Variants in INO80E observed in about 807,000 individuals in gnomAD.
The protein encoded by INO80E is coiled-coil domain containing 95.
In INO80E, 20 loss-of-function variants were observed where a neutral mutation model predicts 27.3. That is an observed-to-expected ratio of 0.73 (90% confidence interval 0.51 to 1.06). INO80E has a LOEUF of 1.06. Among genes scored for constraint, INO80E ranks in the 50% least tolerant of loss-of-function variants. The pLI is 0.00. For missense variants in INO80E, 357 were observed against 322.8 expected (o/e 1.11, Z -0.81); for synonymous variants, 167 against 145.9 (o/e 1.14, Z -1.04).
chr16:30,001,336 CCTT>C (rs1196073713), intron 5 of INO80E, 75 bp from the exon 6 acceptor site: 5 of 1,515,810 alleles, frequency 3.3e-6, no homozygotes, highest in East Asian at 2.5e-5. Context: ...TTTCCATCCT[CCTT>C]CTGTTTGCAT....
At chr16:30,004,925 C>T (rs535437559) in intron 6 of INO80E, among the ~76,000 whole-genome samples, 2 of 152,286 alleles carry the variant, frequency 1.3e-5, no homozygotes, top group South Asian at 4.1e-4. Context: ...TAACCCCTGT[C>T]TCAGGGCAGC....
chr16:30,001,112 CG>C, intron 5 of INO80E, 72 bp downstream of exon 5: 1 of 1,478,458 alleles, frequency 6.8e-7, no homozygotes, highest in Non-Finnish European at 9.1e-7. Context: ...GGCTGGGCCT[CG>C]GGGCAAGGCC....
intron 3 of INO80E, among the ~76,000 whole-genome samples, chr16:29,998,222 T>C (rs1232067935): frequency 2.0e-5 from 3 of 147,212 alleles, no homozygotes; most frequent in Non-Finnish European, 4.5e-5. Flanking sequence ...ACCTGGGAGG[T>C]GGAGCTTGCA....
chr16:30,000,456 A>G (rs2070305219), intron 3 of INO80E, among the ~76,000 whole-genome samples: 1 of 152,114 alleles, frequency 6.6e-6, no homozygotes, highest in Admixed American at 6.5e-5. Flanking sequence ...CTGCAGTCTC[A>G]ATCTCCGAGT....
At chr16:30,002,991 C>T (rs890019942) in intron 6 of INO80E, 2 of 151,668 alleles carry the variant, frequency 1.3e-5, no homozygotes, top group Non-Finnish European at 2.9e-5. Flanking sequence ...TGAGGCTTCA[C>T]CTCTTGAGCC....
At chr16:30,004,865 T>TCCGGGG (rs2070495211) in intron 6 of INO80E, among the ~76,000 whole-genome samples, 2 of 152,054 alleles carry the variant, frequency 1.3e-5, no homozygotes, top group African/African-American at 4.8e-5. Flanking sequence ...AGGTGGCACC[T>TCCGGGG]CCGGGGCCGG....
At position 30,005,766 on chromosome 16, in the gene INO80E, T is replaced by G; in HGVS notation, c.*324T>G. ...CAGGGCTAGGTTTTTTCAATGAAGT[T>G]TCTGTATTAAAGGAGTGGCTCTGGG... On this transcript the variant is annotated 3_prime_UTR_variant, in exon 7 of 7. Coordinates refer to ENST00000563197, the MANE Select transcript of INO80E (RefSeq NM_173618.3). 2.1e-6 allele frequency: 1 copy of G among 467,694 alleles called. No individual in the cohort carries two copies. The allele number at this position is 467,694 out of a possible 1,614,324, so 29.0% of individuals were successfully genotyped here.
Position 30,000,941 on chromosome 16 carries a change from T to G in INO80E, c.297T>G (p.Pro99=). The G allele has an allele frequency of 6.3e-7, 1 of 1,592,206 alleles. No homozygotes were observed. The highest frequency in any genetic ancestry group is 8.6e-7 in the Non-Finnish European group (1 of 1,165,634). Residue 99 remains proline, a synonymous_variant, in exon 5 of 7, where the codon CCT becomes CCG. Coordinates refer to ENST00000563197, the MANE Select transcript of INO80E (RefSeq NM_173618.3). ...DTPAPKRKRS[P]PLGGAPSPSS... ...GTCCTTTCTCCAGGAAGAGAAGCCCTCCGCTGGGGGGCGCCCCCTCTCCCT... is the reference window on the plus strand; with the variant it reads ...GTCCTTTCTCCAGGAAGAGAAGCCCGCCGCTGGGGGGCGCCCCCTCTCCCT...
rs143194284 is a variant in INO80E at position 29,999,861 on chromosome 16, C to T, written c.206-897C>T. Reference sequence around the variant, plus strand: ...GGTTGGGGGTGGACAGTGGGTGGCACGGTGAGGTGAGACTGCTTAGCAGGT... The same window carrying T: ...GGTTGGGGGTGGACAGTGGGTGGCATGGTGAGGTGAGACTGCTTAGCAGGT... On this transcript the variant is annotated intron_variant, in intron 3 of 6. Transcript: ENST00000563197. Among the ~76,000 whole-genome samples the T allele has an allele frequency of 6.6e-3, 1,003 of 152,106 alleles. 6 individuals carry two copies. The highest frequency in any genetic ancestry group is 0.01 in the Non-Finnish European group (693 of 67,990).
chr16:30,001,650 C>A, intron 6 of INO80E, 120 bp downstream of exon 6: 1 of 884,744 alleles, frequency 1.1e-6, no homozygotes, highest in Non-Finnish European at 1.7e-6. Context: ...ACCCAGTCAG[C>A]ACTTAGCACT....
Position 29,996,316 on chromosome 16 carries a change from C to G in INO80E, c.6C>G (p.Asn2Lys), listed in dbSNP as rs759968730. M[N>K]GPADGEVDYK... ...GCGCCACTCCCGGGCCGGTCATGAACGGGCCGGCGGACGGCGAAGTGGACT... is the reference window on the plus strand; with the variant it reads ...GCGCCACTCCCGGGCCGGTCATGAAGGGGCCGGCGGACGGCGAAGTGGACT... The change falls in exon 1 of 7, where the codon AAC (asparagine) becomes AAG (lysine). Residue 2 changes from asparagine (N) to lysine (K), a missense_variant. Asn to Lys is a moderately conservative substitution (Grantham distance 94). Coordinates refer to ENST00000563197, the MANE Select transcript of INO80E (RefSeq NM_173618.3). 9 of 1,593,974 alleles carry G rather than the reference C, an allele frequency of 5.6e-6. No homozygotes were observed. In the East Asian group the frequency reaches 1.8e-4, roughly 32 times the overall value.
chr16:29,998,677 A>G (rs1007360779), intron 3 of INO80E, among the ~76,000 whole-genome samples: 3 of 152,132 alleles, frequency 2.0e-5, no homozygotes, highest in Admixed American at 6.5e-5. Context: ...TAAGGTAGGC[A>G]TTTGTGGGCC....
chr16:29,997,530 C>T (rs1306338439), intron 3 of INO80E, among the ~76,000 whole-genome samples: 3 of 151,674 alleles, frequency 2.0e-5, no homozygotes, highest in Non-Finnish European at 4.4e-5. Flanking sequence ...CCGAGGTGGG[C>T]GGATCACAAG....
At chr16:30,001,307 C>T (rs761858424) in intron 5 of INO80E, 107 bp from the exon 6 acceptor site, 11 of 1,503,500 alleles carry the variant, frequency 7.3e-6, no homozygotes, top group South Asian at 1.3e-5. Context: ...GAGCCGCACT[C>T]ATCACCATCT....
intron 3 of INO80E, among the ~76,000 whole-genome samples, chr16:29,997,430 G>GT (rs369720609): frequency 0.12 from 17,825 of 145,954 alleles, 1,625 homozygotes; most frequent in African/African-American, 0.26. Flanking sequence ...TTTTTCTTTA[G>GT]TTTTTTTTTT....
At chr16:29,999,711 A>T (rs1419418239) in intron 3 of INO80E, 1 of 152,264 alleles carries the variant, frequency 6.6e-6, no homozygotes, top group Non-Finnish European at 1.5e-5. Flanking sequence ...GCTTTAAAGA[A>T]TACAGTTACG....
chr16:30,001,279 TGTGCTC>T, intron 5 of INO80E, 129 bp from the exon 6 acceptor site: 1 of 1,491,650 alleles, frequency 6.7e-7, no homozygotes, highest in Admixed American at 2.2e-5. Context: ...CCGGCCCTTC[TGTGCTC>T]GGGAGCCCCG....
chr16:30,003,937 A>G lies in INO80E; in HGVS notation c.514-1284A>G, dbSNP rs899936156. 6.6e-6 allele frequency: 1 copy of G among 152,270 alleles called. No individual in the cohort carries two copies. Among genetic ancestry groups the G allele is most frequent in the Non-Finnish European group, 1.5e-5 (1 of 68,188 alleles). The allele number at this position is 152,270 out of a possible 1,614,324, so 9.4% of individuals were successfully genotyped here. A position where few individuals can be genotyped will look rare whatever the true frequency, so the allele number is the denominator to read the frequency against. On this transcript the variant is annotated intron_variant, in intron 6 of 6. Transcript: ENST00000563197. The surrounding 1 kb of genome is among the most constrained non-coding windows in gnomAD (Gnocchi z 4.4). ...GCTGTTCAGAGTTGGACCCCCCATC[A>G]TCCATCCTGCCAGCCTCCTATACCC... is the stretch of plus-strand genomic sequence containing the variant.
rs776391289 is a variant in INO80E, at chr16:29,996,872, C to A, written c.205+12C>A. Reference sequence around the variant, plus strand: ...TGAAGACTCTTCGGGTGAGCAAGGTCTTCAAAAATTGGTGGAGAGCATGGT... The same window carrying A: ...TGAAGACTCTTCGGGTGAGCAAGGTATTCAAAAATTGGTGGAGAGCATGGT... On this transcript the variant is annotated intron_variant, in intron 3 of 6. Coordinates refer to ENST00000563197, the MANE Select transcript of INO80E (RefSeq NM_173618.3). 1 of 1,613,842 alleles carries A rather than the reference C, an allele frequency of 6.2e-7. No homozygotes were observed. Among genetic ancestry groups the A allele is most frequent in the East Asian group, 2.2e-5 (1 of 44,888 alleles).
Sources: gnomAD v4.1 joint callset for allele counts (sites outside exome capture counted in the v4.1 genomes callset) on GRCh38, gnomAD v4.1.1 for gene constraint, Gnocchi (gnomAD v3.1) non-coding constraint, MANE v1.5 for transcripts, NCBI Gene and HGNC (gene_info 2026-07-23, HGNC 2026-07-21) for gene names.